Variants in CDH4 observed in about 807,000 individuals in gnomAD.
CDH4 encodes cadherin 4.
CDH4 carries 33 observed loss-of-function variants against 86.0 expected under a neutral mutation model. The ratio of observed to expected loss-of-function variants is 0.38; its 90% CI spans 0.29 to 0.51. The LOEUF (loss-of-function observed/expected upper bound fraction) is 0.51. CDH4 is among the 20% of genes least tolerant of loss of function. CDH4 has a pLI of 0.86. For synonymous variants in CDH4, 555 were observed against 549.4 expected, an observed-to-expected ratio of 1.01 and a Z score of -0.14; for missense variants, 1,114 against 1,307.4, an observed-to-expected ratio of 0.85 and a Z score of 2.28.
chr20:61,644,566 G>A (rs1408971704), intron 2 of CDH4, among the ~76,000 whole-genome samples: 1 of 147,556 alleles, frequency 6.8e-6, no homozygotes, highest in Admixed American at 6.7e-5. Context: ...GCCAGGATGA[G>A]ATGATTACCA....
chr20:61,330,183 ATTC>A (rs1241588547), intron 2 of CDH4, among the ~76,000 whole-genome samples: 8 of 152,148 alleles, frequency 5.3e-5, no homozygotes, highest in Non-Finnish European at 1.2e-4. Context: ...AATGATTTAT[ATTC>A]CTTTGGGTAT....
At chr20:61,273,437 G>T (rs1191015863) in intron 2 of CDH4, among the ~76,000 whole-genome samples, 116 of 41,460 alleles carry the variant, frequency 2.8e-3, no homozygotes, top group East Asian at 4.6e-3. Flanking sequence ...TTTGGGGGAG[G>T]ACCATGTGCA....
chr20:61,486,559 T>G (rs961278868), intron 2 of CDH4, among the ~76,000 whole-genome samples: 1 of 152,204 alleles, frequency 6.6e-6, no homozygotes, highest in Admixed American at 6.5e-5. Flanking sequence ...ATAAAACACT[T>G]GTGTGGTGCC....
intron 2 of CDH4, among the ~76,000 whole-genome samples, chr20:61,493,605 G>A (rs1178846616): frequency 6.6e-6 from 1 of 152,206 alleles, no homozygotes; most frequent in African/African-American, 2.4e-5. Flanking sequence ...GTGCCTCCCT[G>A]CAGGAGACAG....
rs189583368 is a variant in CDH4, at chr20:61,769,594, C to T, written c.397-3409C>T. On this transcript the variant is annotated intron_variant, in intron 3 of 15. Coordinates refer to ENST00000614565, the MANE Select transcript of CDH4 (RefSeq NM_001794.5). ...TCTGGCCTTGGGGTCACACTCCTGG[C>T]GTCCGAATCCTGCCTCTGCTGAACG... is the stretch of plus-strand genomic sequence containing the variant. Among the ~76,000 whole-genome samples the T allele has an allele frequency of 7.2e-4, 110 of 152,306 alleles. No individual in the cohort carries two copies. The East Asian group carries it at 0.02, about 27-fold the overall frequency.
At chr20:61,434,797 G>A (rs904662415) in intron 2 of CDH4, 3 of 152,092 alleles carry the variant, frequency 2.0e-5, no homozygotes, top group Non-Finnish European at 2.9e-5. Flanking sequence ...GCTAACCCCT[G>A]CGCTGGCAAC....
In CDH4 at chr20:61,572,089, A is replaced by G. The variant is rs1026892699; in HGVS notation, c.170-171474A>G. Among the ~76,000 whole-genome samples the G allele has an allele frequency of 4.6e-5, 7 of 152,168 alleles. No individual in the cohort carries two copies. The East Asian group carries it at 1.4e-3, about 30-fold the overall frequency. On this transcript the variant is annotated intron_variant, in intron 2 of 15. Transcript: ENST00000614565. ...CCAGCCTGAGCCAGCCAGAGTTTTTATCCTGAGGGCTGCTGCCTCCAGAAT... is the reference window on the plus strand; with the variant it reads ...CCAGCCTGAGCCAGCCAGAGTTTTTGTCCTGAGGGCTGCTGCCTCCAGAAT...
At chr20:61,843,178 C>T (rs944254450) in intron 4 of CDH4, among the ~76,000 whole-genome samples, 18 of 151,292 alleles carry the variant, frequency 1.2e-4, no homozygotes, top group Admixed American at 6.6e-4. Context: ...CGGCCAGGCG[C>T]GGTGGCTCAC....
At position 61,703,410 on chromosome 20, in the gene CDH4, G is replaced by A. The variant is rs1228480380; in HGVS notation, c.170-40153G>A. Among the ~76,000 whole-genome samples the A allele has an allele frequency of 6.6e-6, 1 of 152,184 alleles. No homozygotes were observed. Among genetic ancestry groups the A allele is most frequent in the Non-Finnish European group, 1.5e-5 (1 of 68,034 alleles). On this transcript the variant is annotated intron_variant, in intron 2 of 15. Coordinates refer to ENST00000614565, the MANE Select transcript of CDH4 (RefSeq NM_001794.5). This position sits in a 1 kb window ranked among gnomAD's most constrained non-coding sequence, Gnocchi z 4.3. ...GCGTGAATGGAGACACTGGCAGCAG[G>A]GGCATTTCATAAGGAGGGGACAGTG... is the stretch of plus-strand genomic sequence containing the variant.
intron 13 of CDH4, among the ~76,000 whole-genome samples, chr20:61,931,981 C>T (rs577838034): frequency 5.3e-5 from 8 of 152,224 alleles, no homozygotes; most frequent in South Asian, 2.1e-4. Context: ...TGTCCAGCGA[C>T]GCCCTGGACT....
At chr20:61,612,003 G>A (rs1473392201) in intron 2 of CDH4, among the ~76,000 whole-genome samples, 1 of 152,066 alleles carries the variant, frequency 6.6e-6, no homozygotes, top group African/African-American at 2.4e-5. Context: ...TTTTCTTGTG[G>A]TTTTGCAAAG....
intron 2 of CDH4, among the ~76,000 whole-genome samples, chr20:61,671,450 C>T (rs567235815): frequency 3.9e-5 from 6 of 152,174 alleles, no homozygotes; most frequent in East Asian, 1.9e-4. Context: ...GAGCTGTGAT[C>T]GTGTCACTGC....
intron 2 of CDH4, among the ~76,000 whole-genome samples, chr20:61,629,787 G>A (rs1173925694): frequency 3.9e-5 from 6 of 152,308 alleles, no homozygotes; most frequent in South Asian, 2.1e-4. Context: ...GGTGCCCAGC[G>A]TGTCCAGGTT....
intron 2 of CDH4, among the ~76,000 whole-genome samples, chr20:61,721,079 C>T (rs1257759013): frequency 6.6e-6 from 1 of 152,198 alleles, no homozygotes; most frequent in Non-Finnish European, 1.5e-5. Context: ...CTTGCACCCT[C>T]CAGTAGCTCT....
chr20:61,673,538 C>T (rs1368769324), intron 2 of CDH4, among the ~76,000 whole-genome samples: 2 of 152,208 alleles, frequency 1.3e-5, no homozygotes, highest in Non-Finnish European at 2.9e-5. Flanking sequence ...GTCTGATATT[C>T]CGTGGGAGCA....
At chr20:61,756,438 C>T (rs1377454574) in intron 3 of CDH4, among the ~76,000 whole-genome samples, 3 of 152,062 alleles carry the variant, frequency 2.0e-5, no homozygotes, top group African/African-American at 7.2e-5. Context: ...AGGCCTAGGC[C>T]AGGGTGAACT....
intron 2 of CDH4, among the ~76,000 whole-genome samples, chr20:61,363,824 A>G (rs954150528): frequency 6.6e-5 from 10 of 152,238 alleles, no homozygotes; most frequent in African/African-American, 2.4e-4. Flanking sequence ...AAATCGTTAC[A>G]GATGGTGCCT....
intron 2 of CDH4, among the ~76,000 whole-genome samples, chr20:61,360,535 C>T (rs28635796): frequency 6.6e-6 from 1 of 152,310 alleles, no homozygotes; most frequent in East Asian, 1.9e-4. Flanking sequence ...ACCCTCCCGC[C>T]TAGGAGCAGG....
chr20:61,316,336 G>A (rs527969072), intron 2 of CDH4, among the ~76,000 whole-genome samples: 46 of 152,360 alleles, frequency 3.0e-4, no homozygotes, highest in African/African-American at 1.0e-3. Context: ...ACTGCGGCCC[G>A]CAGATAGAGA....
Sources: allele counts gnomAD v4.1 joint callset (sites outside exome capture counted in the v4.1 genomes callset), GRCh38; gene constraint gnomAD v4.1.1; non-coding constraint Gnocchi (gnomAD v3.1); transcripts MANE v1.5; gene names NCBI Gene and HGNC (gene_info 2026-07-23, HGNC 2026-07-21).